Variants in CLEC2A observed in about 807,000 individuals in gnomAD.
CLEC2A encodes keratinocyte-associated C-type lectin.
Under a neutral mutation model 18.6 loss-of-function variants are expected in CLEC2A, and 19 were observed. The ratio of observed to expected loss-of-function variants is 1.02; its 90% CI spans 0.71 to 1.50. The LOEUF (loss-of-function observed/expected upper bound fraction) is 1.50, where lower values mean the gene tolerates loss of function less well. Among genes scored for constraint, CLEC2A ranks in the 40% most tolerant of loss-of-function variants. The pLI is 0.00. For missense variants in CLEC2A, 190 were observed against 207.9 expected, an observed-to-expected ratio of 0.91 and a Z score of 0.53; for synonymous variants, 74 against 64.0, an observed-to-expected ratio of 1.16 and a Z score of -0.75.
chr12:9,918,831 T>C (rs975960184), intron 3 of CLEC2A, among the ~76,000 whole-genome samples: 1 of 152,200 alleles, frequency 6.6e-6, no homozygotes, highest in Non-Finnish European at 1.5e-5. Flanking sequence ...TGGGTGTCAA[T>C]TTAACTGCAG....
chr12:9,926,388 C>CTGACTCGATATT (rs1565535637), intron 1 of CLEC2A, 45 bp from the exon 2 acceptor site: 2 of 1,187,506 alleles, frequency 1.7e-6, no homozygotes, highest in South Asian at 2.6e-5. Flanking sequence ...TGAATAAACA[C>CTGACTCGATATT]TGACTCGATA....
the CLEC2A span, among the ~76,000 whole-genome samples, chr12:9,888,138 GA>G: frequency 3.4e-5 from 5 of 146,550 alleles, no homozygotes; most frequent in Admixed American, 2.7e-4. Flanking sequence ...AAAGTCCAGT[GA>G]AAAAAATAAT....
downstream of CLEC2A, among the ~76,000 whole-genome samples, chr12:9,893,876 C>G (rs1241847804): frequency 6.6e-6 from 1 of 152,056 alleles, no homozygotes; most frequent in Non-Finnish European, 1.5e-5. Flanking sequence ...GCAAATACTT[C>G]TCATGTGGTA....
chr12:9,888,553 A>G, the CLEC2A span, among the ~76,000 whole-genome samples: 4 of 152,162 alleles, frequency 2.6e-5, no homozygotes, highest in Non-Finnish European at 5.9e-5. Context: ...AAAGGAGTAA[A>G]AACAGATATG....
intron 2 of CLEC2A, 74 bp from the exon 3 acceptor site, chr12:9,922,306 T>C (rs1565534102): frequency 7.6e-7 from 1 of 1,312,372 alleles, no homozygotes; most frequent in African/African-American, 1.5e-5. Flanking sequence ...GGTGTATTAA[T>C]TTTACTTTTT....
At chr12:9,890,599 C>T in the CLEC2A span, among the ~76,000 whole-genome samples, 5 of 152,216 alleles carry the variant, frequency 3.3e-5, no homozygotes, top group South Asian at 2.1e-4. Context: ...CAGGAGTTAT[C>T]TCTCTCTTCA....
At chr12:9,891,934 A>T in the CLEC2A span, among the ~76,000 whole-genome samples, 1 of 152,228 alleles carries the variant, frequency 6.6e-6, no homozygotes, top group African/African-American at 2.4e-5. Flanking sequence ...TAACTTAAAA[A>T]TATTTAATCC....
intron 4 of CLEC2A, among the ~76,000 whole-genome samples, chr12:9,902,430 A>G (rs1213656153): frequency 6.6e-6 from 1 of 151,956 alleles, no homozygotes; most frequent in Admixed American, 6.6e-5. Context: ...ACGAGGTTTC[A>G]TCATGTTGGC....
At chr12:9,906,291 TA>T (rs532744884) in intron 4 of CLEC2A, among the ~76,000 whole-genome samples, 4 of 152,046 alleles carry the variant, frequency 2.6e-5, no homozygotes, top group Non-Finnish European at 4.4e-5. Context: ...GGGACTGCAA[TA>T]GGGGGAGGAA....
intron 4 of CLEC2A, among the ~76,000 whole-genome samples, chr12:9,900,526 T>C (rs1169249432): frequency 6.6e-6 from 1 of 152,224 alleles, no homozygotes; most frequent in African/African-American, 2.4e-5. Context: ...TATTTCTACA[T>C]AGGCTTTTTG....
At chr12:9,920,191 G>T (rs1324836807) in intron 3 of CLEC2A, among the ~76,000 whole-genome samples, 31 of 152,182 alleles carry the variant, frequency 2.0e-4, no homozygotes, top group Admixed American at 2.0e-3. Flanking sequence ...GCAGAATGTC[G>T]CTGCTCAGCC....
chr12:9,893,586 T>A, the CLEC2A span: 1 of 659,354 alleles, frequency 1.5e-6, no homozygotes, highest in South Asian at 2.6e-5. Flanking sequence ...TTTATAGAAT[T>A]ATTTTTATAT....
intron 1 of CLEC2A, among the ~76,000 whole-genome samples, chr12:9,931,627 C>T (rs753719095): frequency 2.0e-5 from 3 of 152,156 alleles, no homozygotes; most frequent in Non-Finnish European, 4.4e-5. Context: ...TATCAGTAAA[C>T]TCTGATAGTG....
chr12:9,895,417 A>ATACTGGAAATAGAATAC (rs1862745582), downstream of CLEC2A, among the ~76,000 whole-genome samples: 1 of 152,208 alleles, frequency 6.6e-6, no homozygotes, highest in Admixed American at 6.5e-5. Context: ...TGGAAATAGA[A>ATACTGGAAATAGAATAC]TACTCAGGTC....
intron 4 of CLEC2A, among the ~76,000 whole-genome samples, chr12:9,906,223 T>G (rs183426318): frequency 6.6e-6 from 1 of 152,246 alleles, no homozygotes; most frequent in East Asian, 1.9e-4. Context: ...ATTTTCCTTC[T>G]TGGTTTTCTG....
At chr12:9,922,920 TTTA>T (rs958942682) in intron 2 of CLEC2A, among the ~76,000 whole-genome samples, 3 of 152,006 alleles carry the variant, frequency 2.0e-5, no homozygotes, top group Non-Finnish European at 2.9e-5. Context: ...TCCACCATGA[TTTA>T]TTATTATTAT....
At chr12:9,890,320 G>C in the CLEC2A span, among the ~76,000 whole-genome samples, 2 of 152,164 alleles carry the variant, frequency 1.3e-5, no homozygotes, top group Non-Finnish European at 2.9e-5. Context: ...GTCAGGGCAC[G>C]TTTAATTAAG....
At chr12:9,896,946 G>A (rs143005290), downstream of CLEC2A, among the ~76,000 whole-genome samples, 1,502 of 147,828 alleles carry the variant, frequency 0.01, 31 homozygotes, top group African/African-American at 0.035. Flanking sequence ...TGCAACCTCC[G>A]CCTCCCAGGT....
At chr12:9,932,162 C>T in intron 1 of CLEC2A, 113 bp downstream of exon 1, 2 of 764,412 alleles carry the variant, frequency 2.6e-6, no homozygotes, top group Non-Finnish European at 4.4e-6. Context: ...TTCCCCATCC[C>T]TCACTTACTT....
Sources: allele counts gnomAD v4.1 joint callset (sites outside exome capture counted in the v4.1 genomes callset), GRCh38; gene constraint gnomAD v4.1.1; transcripts MANE v1.5; gene names NCBI Gene and HGNC (gene_info 2026-07-23, HGNC 2026-07-21).